SDK2: variants seen among roughly 807,000 people sequenced by gnomAD.
SDK2 encodes the protein sidekick cell adhesion molecule 2.
SDK2 carries 105 observed loss-of-function variants against 253.9 expected under a neutral mutation model. The observed-to-expected ratio is 0.41, with a 90% CI of 0.35 to 0.49. The LOEUF (loss-of-function observed/expected upper bound fraction) is 0.49. Among genes scored for constraint, SDK2 ranks in the 20% least tolerant of loss-of-function variants. The probability of loss-of-function intolerance (pLI) is 0.06; values close to 1 mark genes in which losing one functional copy is unlikely to be tolerated. For missense variants in SDK2, 2,608 were observed against 3,003.0 expected (o/e 0.87, Z 3.07); for synonymous variants, 1,249 against 1,234.9 (o/e 1.01, Z -0.24).
chr17:73,484,126 G>T (rs1186730621), intron 2 of SDK2, among the ~76,000 whole-genome samples: 2 of 152,066 alleles, frequency 1.3e-5, no homozygotes. Context: ...GGAAAGCCTC[G>T]CCACCCAGCT....
chr17:73,605,341 C>T (rs533903514), intron 1 of SDK2, among the ~76,000 whole-genome samples: 4 of 152,072 alleles, frequency 2.6e-5, no homozygotes, highest in South Asian at 4.2e-4. Context: ...GGTGAGGGGG[C>T]GGGATCCAGG....
rs924395756 is a variant in SDK2, at chr17:73,383,292, C to T, written c.4705+584G>A. 2.6e-5 allele frequency among the ~76,000 whole-genome samples: 4 copies of T among 152,230 alleles called. No homozygotes were observed. Among genetic ancestry groups the T allele is most frequent in the African/African-American group, 9.6e-5 (4 of 41,460 alleles). ...CACGTCTTTCCCTTGCCGTGGTCTTCTGGGCATCGGCTCTCCCTGACATTT... is the reference window on the plus strand; with the variant it reads ...CACGTCTTTCCCTTGCCGTGGTCTTTTGGGCATCGGCTCTCCCTGACATTT... On this transcript the variant is annotated intron_variant, in intron 33 of 44. Coordinates refer to ENST00000392650, the MANE Select transcript of SDK2 (RefSeq NM_001144952.2). The surrounding 1 kb of genome is among the most constrained non-coding windows in gnomAD (Gnocchi z 4.3).
chr17:73,388,013 G>C lies in SDK2; in HGVS notation c.4217C>G (p.Pro1406Arg). Residue 1406 changes from proline to arginine, a missense_variant, in exon 30 of 45, where the codon CCG (proline) becomes CGG (arginine). This residue lies in a region of SDK2 where 1,103 missense variants were observed against 1,143.9 expected (regional missense o/e 0.96). Coordinates refer to ENST00000392650, the MANE Select transcript of SDK2 (RefSeq NM_001144952.2). Reference sequence around the variant, plus strand: ...TCTCACATCCTCCTGCTGCACCATCGGCCTGCTGGGGGGCTGCGGACGGTC... The same window carrying C: ...TCTCACATCCTCCTGCTGCACCATCCGCCTGCTGGGGGGCTGCGGACGGTC... Reference protein sequence around the residue: ...KRDRPQPPSRPMVQQEDVRAR... With the variant: ...KRDRPQPPSRRMVQQEDVRAR... 2.6e-6 allele frequency: 4 copies of C among 1,568,552 alleles called. No homozygotes were observed. Among genetic ancestry groups the C allele is most frequent in the Non-Finnish European group, 3.5e-6 (4 of 1,157,612 alleles).
chr17:73,533,769 C>T (rs1165906717), intron 1 of SDK2, among the ~76,000 whole-genome samples: 1 of 150,844 alleles, frequency 6.6e-6, no homozygotes, highest in Admixed American at 6.6e-5. Flanking sequence ...TCGCCAGGTT[C>T]CCTGTCACCA....
intron 5 of SDK2, among the ~76,000 whole-genome samples, chr17:73,446,579 A>C (rs1567778069): frequency 1.3e-5 from 2 of 152,222 alleles, no homozygotes; most frequent in Non-Finnish European, 2.9e-5. Flanking sequence ...GGACATGGAC[A>C]GCAGAGGCTA....
chr17:73,550,717 C>T (rs1327815876), intron 1 of SDK2, among the ~76,000 whole-genome samples: 5 of 152,216 alleles, frequency 3.3e-5, no homozygotes, highest in Non-Finnish European at 7.3e-5. Flanking sequence ...GAATTTGCTA[C>T]AGGGAACTGG....
At chr17:73,627,668 T>C (rs1477674562) in intron 1 of SDK2, among the ~76,000 whole-genome samples, 1 of 152,200 alleles carries the variant, frequency 6.6e-6, no homozygotes, top group Non-Finnish European at 1.5e-5. Flanking sequence ...ACATAGTAAT[T>C]CCATTGCTGG....
At chr17:73,377,486 T>C (rs1242265543) in intron 36 of SDK2, among the ~76,000 whole-genome samples, 1 of 151,908 alleles carries the variant, frequency 6.6e-6, no homozygotes, top group Non-Finnish European at 1.5e-5. Flanking sequence ...CCCAAAGTGC[T>C]GGGATTACAT....
chr17:73,395,472 C>T lies in SDK2; in HGVS notation c.3355-80G>A. On this transcript the variant is annotated intron_variant, in intron 24 of 44. Transcript: ENST00000392650. The surrounding 1 kb of genome is among the most constrained non-coding windows in gnomAD (Gnocchi z 4.3). ...GGGAGGAACTGCCCTGCTACCCTCT[C>T]CTCCAGGGCGCCTTCAGGGCTATCC... The T allele has an allele frequency of 4.2e-6, 5 of 1,178,976 alleles. No individual in the cohort carries two copies. The highest frequency in any genetic ancestry group is 2.0e-4 in the Middle Eastern group (1 of 4,994). 73.0% of individuals were successfully genotyped at this position (1,178,976 alleles called of 1,614,324 possible). A position where few individuals can be genotyped will look rare whatever the true frequency, so the allele number is the denominator to read the frequency against.
chr17:73,495,829 C>T (rs1425665783), intron 2 of SDK2, among the ~76,000 whole-genome samples: 2 of 152,124 alleles, frequency 1.3e-5, no homozygotes, highest in Admixed American at 6.6e-5. Context: ...TTTCCAAACT[C>T]GTTAACTTTT....
At chr17:73,504,069 C>T (rs186240080) in intron 2 of SDK2, among the ~76,000 whole-genome samples, 1 of 152,122 alleles carries the variant, frequency 6.6e-6, no homozygotes, top group East Asian at 1.9e-4. Flanking sequence ...GCTCTGACTT[C>T]GGTTCTGTGG....
At position 73,393,553 on chromosome 17, in the gene SDK2, G is replaced by A; in HGVS notation, c.3898+7C>T. 6.5e-7 allele frequency: 1 copy of A among 1,547,024 alleles called. No homozygotes were observed. Among genetic ancestry groups the A allele is most frequent in the Non-Finnish European group, 8.8e-7 (1 of 1,137,776 alleles). ...CCTTCCCCAAGCTTGCTGGGATACG[G>A]ACTCACCATCATCCAGCGTCCGCTC... is the stretch of plus-strand genomic sequence containing the variant. On this transcript the variant is annotated splice_region_variant and intron_variant, in intron 27 of 44. Coordinates refer to ENST00000392650, the MANE Select transcript of SDK2 (RefSeq NM_001144952.2).
rs187416045 is a variant in SDK2, at chr17:73,458,720, C to A, written c.332-2667G>T. Among the ~76,000 whole-genome samples, 373 of 152,256 alleles carry A rather than the reference C, an allele frequency of 2.4e-3. 1 individual carries two copies. Among genetic ancestry groups the A allele is most frequent in the Non-Finnish European group, 4.6e-3 (313 of 67,998 alleles). On this transcript the variant is annotated intron_variant, in intron 3 of 44. Coordinates refer to ENST00000392650, the MANE Select transcript of SDK2 (RefSeq NM_001144952.2). The stretch of plus-strand genomic sequence containing the variant: ...CATCCTAAGTTCTGTTAAAATCTCC[C>A]CTTGGCCGGGTGCAGTGGCTCACGC...
At chr17:73,441,472 A>C (rs1054148306) in intron 5 of SDK2, among the ~76,000 whole-genome samples, 4 of 152,192 alleles carry the variant, frequency 2.6e-5, no homozygotes, top group Non-Finnish European at 5.9e-5. Context: ...GGGTGGGCTC[A>C]AGATCCAATA....
rs371984433 is a variant in SDK2, at chr17:73,419,279, C to T, written c.2073G>A (p.Thr691=). 6.3e-5 allele frequency: 102 copies of T among 1,612,718 alleles called. No homozygotes were observed. Among genetic ancestry groups the T allele is most frequent in the Middle Eastern group, 1.6e-4 (1 of 6,084 alleles). The part of the protein sequence containing the change: ...ERVSLPEEPP[T]APPQNVIASG... The stretch of plus-strand genomic sequence containing the variant: ...TGGCGATGACGTTCTGTGGAGGGGC[C>T]GTGGGGGGCTCCTCGGGGAGGGAGA... The change falls in exon 16 of 45, where the codon ACG becomes ACA. Residue 691 remains threonine, a synonymous_variant. Transcript: ENST00000392650.
chr17:73,390,919 T>C (rs1005054884), intron 28 of SDK2, among the ~76,000 whole-genome samples: 2 of 152,090 alleles, frequency 1.3e-5, no homozygotes, highest in African/African-American at 2.4e-5. Context: ...CTGGGACAGG[T>C]ACAGGTAGTC....
chr17:73,396,574 C>A (rs937521063), intron 24 of SDK2, among the ~76,000 whole-genome samples: 3 of 152,208 alleles, frequency 2.0e-5, no homozygotes, highest in African/African-American at 4.8e-5. Flanking sequence ...AGATAGCAAT[C>A]GATGGTCCTG....
intron 1 of SDK2, among the ~76,000 whole-genome samples, chr17:73,633,584 A>G (rs1471068021): frequency 6.6e-6 from 1 of 152,194 alleles, no homozygotes; most frequent in Non-Finnish European, 1.5e-5. Flanking sequence ...TCTCTCTCTG[A>G]CTTCACAATT....
At chr17:73,471,346 C>G (rs1351442755) in intron 3 of SDK2, among the ~76,000 whole-genome samples, 2 of 152,128 alleles carry the variant, frequency 1.3e-5, no homozygotes, top group African/African-American at 4.8e-5. Flanking sequence ...ACCTGTAAAC[C>G]CAGCACTTTG....
Sources: allele counts gnomAD v4.1 joint callset (sites outside exome capture counted in the v4.1 genomes callset), GRCh38; gene constraint gnomAD v4.1.1; regional missense constraint gnomAD v4.1.1; non-coding constraint Gnocchi (gnomAD v3.1); transcripts MANE v1.5; gene names NCBI Gene and HGNC (gene_info 2026-07-23, HGNC 2026-07-21).